The following SEC14L5 variants were observed in gnomAD, a reference collection of about 807,000 sequenced individuals.
The protein encoded by SEC14L5 is SEC14-like protein 5.
In SEC14L5, 96 loss-of-function variants were observed where a neutral mutation model predicts 84.6. The ratio of observed to expected loss-of-function variants is 1.13; its 90% CI spans 0.96 to 1.34. The LOEUF (loss-of-function observed/expected upper bound fraction) is 1.34, where lower values mean the gene tolerates loss of function less well. Among genes scored for constraint, SEC14L5 ranks in the 40% most tolerant of loss-of-function variants. The pLI, the probability that SEC14L5 is intolerant of heterozygous loss-of-function variation, is 0.00. For synonymous variants in SEC14L5, 546 were observed against 383.4 expected, an observed-to-expected ratio of 1.42 and a Z score of -4.95; for missense variants, 1,224 against 942.5, an observed-to-expected ratio of 1.30 and a Z score of -3.91.
At chr16:4,958,575 C>T (rs1955081814) in intron 1 of SEC14L5, 130 bp downstream of exon 1, 1 of 152,732 alleles carries the variant, frequency 6.5e-6, no homozygotes, top group Admixed American at 6.5e-5. Flanking sequence ...GCTGCGGGGA[C>T]CTGTGTGTGC....
rs765138326 is a variant in SEC14L5 at position 5,008,633 on chromosome 16, G to A, written c.1785G>A (p.Glu595=). 42 of 1,606,972 alleles carry A rather than the reference G, an allele frequency of 2.6e-5. No homozygotes were observed. Among genetic ancestry groups the A allele is most frequent in the South Asian group, 2.2e-4 (20 of 89,944 alleles). ...TGGAGGCTCCCCTTGTCTGCCGGGA[G>A]GGGGAGAGCATCCAGGTTTGCATTT... The part of the protein sequence containing the change: ...SRVEAPLVCR[E]GESIQGSHVT... Residue 595 remains glutamate, a synonymous_variant, in exon 14 of 16, where the codon GAG becomes GAA. Transcript: ENST00000251170.
intron 2 of SEC14L5, among the ~76,000 whole-genome samples, chr16:4,983,953 G>C (rs563690821): frequency 6.6e-6 from 1 of 152,062 alleles, no homozygotes; most frequent in Non-Finnish European, 1.5e-5. Context: ...ATGTGTGTAT[G>C]TGTACATATA....
rs370082487 is a variant in SEC14L5, at chr16:5,004,005, C to A, written c.1302+432C>A. 4.6e-5 allele frequency among the ~76,000 whole-genome samples: 7 copies of A among 152,390 alleles called. No individual in the cohort carries two copies. The South Asian group carries it at 1.4e-3, about 32-fold the overall frequency. On this transcript the variant is annotated intron_variant, in intron 11 of 15. Coordinates refer to ENST00000251170, the MANE Select transcript of SEC14L5 (RefSeq NM_014692.2). ...GCGCGCACACATACACCCACGCCCA[C>A]ACACACACTCCTCTGAAACAAGGGT...
rs1212524350 is a variant in SEC14L5 at position 5,003,388 on chromosome 16, T to C, written c.1131-14T>C. 6.2e-7 allele frequency: 1 copy of C among 1,608,426 alleles called. No individual in the cohort carries two copies. On this transcript the variant is annotated splice_polypyrimidine_tract_variant and intron_variant, in intron 10 of 15. Coordinates refer to ENST00000251170, the MANE Select transcript of SEC14L5 (RefSeq NM_014692.2). ...CAGCAGAGCCAGGTGGAGCTGGGGC[T>C]ATTTCTGCCACAGCTCCTGGACCTG...
At position 5,015,516 on chromosome 16, in the gene SEC14L5, G is replaced by A. The variant is rs1955866228; in HGVS notation, c.*546G>A. On this transcript the variant is annotated 3_prime_UTR_variant, in exon 16 of 16. Coordinates refer to ENST00000251170, the MANE Select transcript of SEC14L5 (RefSeq NM_014692.2). The stretch of plus-strand genomic sequence containing the variant: ...AATGCTGATTGGCCAGCAGGGTCAT[G>A]CCCAATCTGGACCAATCACCGTGAT... The A allele has an allele frequency of 1.3e-5, 2 of 155,620 alleles. No homozygotes were observed. The highest frequency in any genetic ancestry group is 1.2e-4 in the Admixed American group (2 of 16,216). 9.6% of individuals were successfully genotyped at this position (155,620 alleles called of 1,614,324 possible).
rs779624488 is a variant in SEC14L5, at chr16:5,005,970, C to T, written c.1359C>T (p.Ser453=). The change falls in exon 12 of 16, where the codon AGC becomes AGT. Residue 453 remains serine, a synonymous_variant. Coordinates refer to ENST00000251170, the MANE Select transcript of SEC14L5 (RefSeq NM_014692.2). ...GGAAGTTCCTCATCTACAGTGGCAG[C>T]AACTACCAGGGACCCGGAGGCCTTG... ...TRRKFLIYSG[S]NYQGPGGLVD... is the part of the protein sequence containing the mutation. 1 of 1,612,750 alleles carries T rather than the reference C, an allele frequency of 6.2e-7. No individual in the cohort carries two copies. The highest frequency in any genetic ancestry group is 1.3e-5 in the African/African-American group (1 of 74,846).
At chr16:4,963,464 G>A (rs1955154421) in intron 2 of SEC14L5, among the ~76,000 whole-genome samples, 1 of 152,094 alleles carries the variant, frequency 6.6e-6, no homozygotes, top group Admixed American at 6.6e-5. Context: ...TCTTGCTTCA[G>A]CCCCCTGAGT....
At chr16:4,966,792 G>T (rs112649815) in intron 2 of SEC14L5, among the ~76,000 whole-genome samples, 1 of 152,194 alleles carries the variant, frequency 6.6e-6, no homozygotes, top group Non-Finnish European at 1.5e-5. Context: ...GCTGGATGGA[G>T]GATCTGAAGT....
At chr16:5,007,026 T>A (rs904504072) in intron 12 of SEC14L5, among the ~76,000 whole-genome samples, 6 of 152,022 alleles carry the variant, frequency 3.9e-5, no homozygotes, top group African/African-American at 1.5e-4. Context: ...TGGCTGTCAG[T>A]CCGGCACCGG....
intron 6 of SEC14L5, among the ~76,000 whole-genome samples, chr16:4,994,808 C>T (rs999020448): frequency 1.3e-5 from 2 of 152,090 alleles, no homozygotes; most frequent in African/African-American, 4.8e-5. Context: ...TGCTGTCCGC[C>T]AGCAGCACAG....
chr16:4,996,474 G>T lies in SEC14L5; in HGVS notation c.780+14G>T, dbSNP rs140100376. The T allele has an allele frequency of 4.9e-4, 701 of 1,443,484 alleles. 9 individuals carry two copies. In the East Asian group the frequency reaches 0.017, roughly 35 times the overall value. 89.4% of individuals were successfully genotyped at this position (1,443,484 alleles called of 1,614,324 possible). A position where few individuals can be genotyped will look rare whatever the true frequency, so the allele number is the denominator to read the frequency against. Reference sequence around the variant, plus strand: ...CACAAAGGCAAGGTGGGTGCAGGGGGTACCCTGGAGCAGTGGATGAATGGG... The same window carrying T: ...CACAAAGGCAAGGTGGGTGCAGGGGTTACCCTGGAGCAGTGGATGAATGGG... On this transcript the variant is annotated intron_variant, in intron 7 of 15. Coordinates refer to ENST00000251170, the MANE Select transcript of SEC14L5 (RefSeq NM_014692.2).
rs551618357 is a variant in SEC14L5, at chr16:5,000,679, G to A, written c.995G>A (p.Arg332His). The A allele has an allele frequency of 1.3e-5, 20 of 1,551,818 alleles. No individual in the cohort carries two copies. The highest frequency in any genetic ancestry group is 1.2e-4 in the East Asian group (5 of 40,930). ...GATGGCCGCCCCCTCTACATCCTCCGCCTGGGCCAGATGGACACCAAAGGC... is the reference window on the plus strand; with the variant it reads ...GATGGCCGCCCCCTCTACATCCTCCACCTGGGCCAGATGGACACCAAAGGC... ...DIDGRPLYILRLGQMDTKGLM... is the reference protein window; with the variant it reads ...DIDGRPLYILHLGQMDTKGLM... Residue 332 changes from arginine (R) to histidine (H), a missense_variant, in exon 9 of 16, where the codon CGC becomes CAC. By Grantham distance (29) the Arg-to-His change is conservative. Transcript: ENST00000251170.
At chr16:4,973,241 C>T (rs1955301153) in intron 2 of SEC14L5, among the ~76,000 whole-genome samples, 1 of 152,234 alleles carries the variant, frequency 6.6e-6, no homozygotes, top group Admixed American at 6.5e-5. Flanking sequence ...CTTGTCCTGT[C>T]ACTGAGTCCA....
chr16:4,967,408 A>G (rs1955214201), intron 2 of SEC14L5, among the ~76,000 whole-genome samples: 1 of 152,026 alleles, frequency 6.6e-6, no homozygotes, highest in South Asian at 2.1e-4. Context: ...TCTCCAAATG[A>G]GGTCACATTT....
intron 2 of SEC14L5, among the ~76,000 whole-genome samples, chr16:4,968,131 C>T (rs923486968): frequency 6.6e-6 from 1 of 151,408 alleles, no homozygotes; most frequent in Non-Finnish European, 1.5e-5. Context: ...GTGATTCTCC[C>T]ACCTCAGCCT....
chr16:4,964,450 G>A (rs2142471781), intron 2 of SEC14L5, among the ~76,000 whole-genome samples: 1 of 152,184 alleles, frequency 6.6e-6, no homozygotes, highest in Admixed American at 6.5e-5. Flanking sequence ...CCTAAGTGTG[G>A]TGGTGCATGC....
At chr16:5,004,065 T>C (rs143207381) in intron 11 of SEC14L5, among the ~76,000 whole-genome samples, 2 of 152,296 alleles carry the variant, frequency 1.3e-5, no homozygotes, top group East Asian at 3.9e-4. Context: ...GGCAAAAGCC[T>C]GGAGGCTGGA....
Position 5,005,896 on chromosome 16 carries a change from C to A in SEC14L5, c.1303-18C>A. 6.8e-7 allele frequency: 1 copy of A among 1,477,112 alleles called. No individual in the cohort carries two copies. Among genetic ancestry groups the A allele is most frequent in the Non-Finnish European group, 9.2e-7 (1 of 1,085,486 alleles). The allele number at this position is 1,477,112 out of a possible 1,614,324, so 91.5% of individuals were successfully genotyped here. On this transcript the variant is annotated intron_variant, in intron 11 of 15. Transcript: ENST00000251170. Reference sequence around the variant, plus strand: ...AAAAAAAAAAAACCATCCATCTTGCCTTATGTCCTGGTTTCAGATCAGCCC... The same window carrying A: ...AAAAAAAAAAAACCATCCATCTTGCATTATGTCCTGGTTTCAGATCAGCCC...
intron 12 of SEC14L5, among the ~76,000 whole-genome samples, chr16:5,006,314 A>G (rs576346077): frequency 3.9e-5 from 6 of 152,330 alleles, no homozygotes; most frequent in Non-Finnish European, 5.9e-5. Flanking sequence ...CTGGAAGCCT[A>G]AAGATTAGGC....
Sources: gnomAD v4.1 joint callset for allele counts (sites outside exome capture counted in the v4.1 genomes callset) on GRCh38, gnomAD v4.1.1 for gene constraint, MANE v1.5 for transcripts, NCBI Gene and HGNC (gene_info 2026-07-23, HGNC 2026-07-21) for gene names.